NKAIN2: variants seen among roughly 807,000 people sequenced by gnomAD.
The protein encoded by NKAIN2 is sodium/potassium-transporting ATPase subunit beta-1-interacting protein 2.
A neutral mutation model predicts 32.6 loss-of-function variants in NKAIN2; 14 were observed. That is an observed-to-expected ratio of 0.43 (90% CI 0.28 to 0.67). The LOEUF is 0.67. Among genes scored for constraint, NKAIN2 ranks in the 30% least tolerant of loss-of-function variants. The pLI is 0.17. For missense variants in NKAIN2, 198 were observed against 258.3 expected (o/e 0.77, Z 1.60); for synonymous variants, 80 against 87.2 (o/e 0.92, Z 0.46).
chr6:124,628,262 C>A (rs561915660), intron 3 of NKAIN2, among the ~76,000 whole-genome samples: 24 of 129,920 alleles, frequency 1.8e-4, no homozygotes, highest in African/African-American at 7.0e-4. Flanking sequence ...ATGACCTTAC[C>A]TTTAAGTATT....
At chr6:124,165,401 TTTTATTCAA>T (rs1381184883) in intron 1 of NKAIN2, among the ~76,000 whole-genome samples, 1 of 152,060 alleles carries the variant, frequency 6.6e-6, no homozygotes. Flanking sequence ...TAATTCTACA[TTTTATTCAA>T]TTTCCTTTTT....
At chr6:123,967,072 A>T (rs1372806555) in intron 1 of NKAIN2, among the ~76,000 whole-genome samples, 3 of 152,196 alleles carry the variant, frequency 2.0e-5, no homozygotes, top group Non-Finnish European at 4.4e-5. Flanking sequence ...GATCCCAAAG[A>T]TAACTAGACA....
chr6:124,453,464 C>T (rs2114628083), intron 3 of NKAIN2, among the ~76,000 whole-genome samples: 1 of 151,748 alleles, frequency 6.6e-6, no homozygotes, highest in East Asian at 1.9e-4. Flanking sequence ...AAATGCCATT[C>T]TTGCTTTTAT....
At chr6:124,779,670 G>A (rs1779169111) in intron 4 of NKAIN2, among the ~76,000 whole-genome samples, 1 of 152,096 alleles carries the variant, frequency 6.6e-6, no homozygotes, top group African/African-American at 2.4e-5. Flanking sequence ...GTGTGAACAA[G>A]CCCAGATTAT....
chr6:124,761,085 G>A (rs1435034183), intron 4 of NKAIN2, among the ~76,000 whole-genome samples: 1 of 152,154 alleles, frequency 6.6e-6, no homozygotes, highest in Non-Finnish European at 1.5e-5. Flanking sequence ...TTAATTCAAT[G>A]TAAGAGTTTA....
intron 4 of NKAIN2, among the ~76,000 whole-genome samples, chr6:124,707,644 G>A (rs980346271): frequency 6.6e-6 from 1 of 150,902 alleles, no homozygotes; most frequent in East Asian, 1.9e-4. Flanking sequence ...GTCTTCTTTT[G>A]AGAAGTGTCT....
intron 1 of NKAIN2, among the ~76,000 whole-genome samples, chr6:124,027,971 T>C (rs1781191551): frequency 6.6e-6 from 1 of 152,176 alleles, no homozygotes. Flanking sequence ...ATAAAATAAA[T>C]AGCCTTCCAT....
At chr6:124,260,128 C>T (rs1413629306) in intron 1 of NKAIN2, among the ~76,000 whole-genome samples, 1 of 152,140 alleles carries the variant, frequency 6.6e-6, no homozygotes, top group African/African-American at 2.4e-5. Flanking sequence ...AAATCATTTT[C>T]ATAATGGAGA....
intron 4 of NKAIN2, among the ~76,000 whole-genome samples, chr6:124,742,748 G>A (rs1190792559): frequency 6.6e-6 from 1 of 151,706 alleles, no homozygotes; most frequent in Non-Finnish European, 1.5e-5. Context: ...TCCCAGGTGA[G>A]TCTCTTTTCA....
At chr6:124,290,325 T>C (rs543230834) in intron 2 of NKAIN2, among the ~76,000 whole-genome samples, 2 of 152,152 alleles carry the variant, frequency 1.3e-5, no homozygotes, top group Non-Finnish European at 2.9e-5. Context: ...AAAATGAATT[T>C]TGAAGAAAAG....
At chr6:124,560,123 C>T (rs139927739) in intron 3 of NKAIN2, among the ~76,000 whole-genome samples, 103 of 152,224 alleles carry the variant, frequency 6.8e-4, no homozygotes, top group African/African-American at 2.4e-3. Flanking sequence ...TGTGTCCCCA[C>T]CCAAATCTCA....
intron 2 of NKAIN2, among the ~76,000 whole-genome samples, chr6:124,295,690 G>T (rs995902708): frequency 2.0e-5 from 3 of 152,090 alleles, no homozygotes; most frequent in African/African-American, 7.2e-5. Context: ...AAAGTGAATG[G>T]ATTTCAATAA....
chr6:124,516,846 G>A (rs1488514459), intron 3 of NKAIN2, among the ~76,000 whole-genome samples: 1 of 152,124 alleles, frequency 6.6e-6, no homozygotes, highest in African/African-American at 2.4e-5. Context: ...AAATCTCAAA[G>A]TTGCATGGGG....
At chr6:124,700,320 C>T (rs1430501385) in intron 4 of NKAIN2, among the ~76,000 whole-genome samples, 2 of 152,026 alleles carry the variant, frequency 1.3e-5, no homozygotes, top group African/African-American at 4.8e-5. Flanking sequence ...AATACACTTC[C>T]CTCTGAATTG....
intron 1 of NKAIN2, among the ~76,000 whole-genome samples, chr6:124,068,831 G>A (rs796148485): frequency 6.6e-6 from 1 of 152,010 alleles, no homozygotes; most frequent in Admixed American, 6.6e-5. Flanking sequence ...GAAATCCAGC[G>A]ATAAGAAAAG....
At chr6:124,748,322 A>G (rs551117053) in intron 4 of NKAIN2, among the ~76,000 whole-genome samples, 31 of 152,134 alleles carry the variant, frequency 2.0e-4, no homozygotes, top group Non-Finnish European at 3.4e-4. Context: ...CTCAGTAAGT[A>G]TTTATTGAAT....
At chr6:124,529,977 A>G (rs966403643) in intron 3 of NKAIN2, among the ~76,000 whole-genome samples, 1 of 152,206 alleles carries the variant, frequency 6.6e-6, no homozygotes, top group Non-Finnish European at 1.5e-5. Flanking sequence ...TCACTGAAGA[A>G]TGGGAATAGT....
intron 1 of NKAIN2, among the ~76,000 whole-genome samples, chr6:124,139,615 A>T (rs1314467184): frequency 6.6e-6 from 1 of 152,234 alleles, no homozygotes; most frequent in East Asian, 1.9e-4. Flanking sequence ...AAAATAAAAC[A>T]TTCCCATTAT....
intron 1 of NKAIN2, among the ~76,000 whole-genome samples, chr6:123,900,088 G>A (rs1774485664): frequency 6.6e-6 from 1 of 152,150 alleles, no homozygotes; most frequent in African/African-American, 2.4e-5. Context: ...CCTGGCCTAG[G>A]TTCACCCGTT....
Sources: allele counts gnomAD v4.1 joint callset (sites outside exome capture counted in the v4.1 genomes callset), GRCh38; gene constraint gnomAD v4.1.1; transcripts MANE v1.5; gene names NCBI Gene and HGNC (gene_info 2026-07-23, HGNC 2026-07-21).